The following SPG11 variants were observed in gnomAD, a reference collection of about 807,000 sequenced individuals.
The protein encoded by SPG11 is SPG11 vesicle trafficking associated, spatacsin, also known as spatacsin.
Under a neutral mutation model 274.0 loss-of-function variants are expected in SPG11, and 222 were observed. The observed-to-expected ratio is 0.81, with a 90% CI of 0.73 to 0.91. The LOEUF (loss-of-function observed/expected upper bound fraction) is 0.91. Ranked by LOEUF, SPG11 falls within the 40% of genes least tolerant of loss-of-function variation. The probability of loss-of-function intolerance (pLI) is 0.00; values close to 1 mark genes in which losing one functional copy is unlikely to be tolerated. For synonymous variants in SPG11, 1,144 were observed against 1,039.7 expected (o/e 1.10, Z -1.93); for missense variants, 3,114 against 2,872.7 (o/e 1.08, Z -1.92).
At chr15:44,566,112 A>G in intron 37 of SPG11, 103 bp from the exon 38 acceptor site, 4 of 1,589,834 alleles carry the variant, frequency 2.5e-6, no homozygotes, top group Admixed American at 3.4e-5. Context: ...TGGTTGGCCT[A>G]TGATGCCCTC....
At chr15:44,576,566 G>A (rs1001111422) in intron 30 of SPG11, among the ~76,000 whole-genome samples, 5 of 150,276 alleles carry the variant, frequency 3.3e-5, no homozygotes, top group Non-Finnish European at 7.4e-5. Context: ...GGAGAATGGC[G>A]TGAACCCGGG....
rs1186964654 is a variant in SPG11 at position 44,660,527 on chromosome 15, T to C, written c.347A>G (p.Tyr116Cys). The C allele has an allele frequency of 1.9e-6, 3 of 1,614,174 alleles. No individual in the cohort carries two copies. The highest frequency in any genetic ancestry group is 2.2e-5 in the East Asian group (1 of 44,882). The change falls in exon 2 of 40, where the codon TAT becomes TGT. Residue 116 changes from tyrosine (Y) to cysteine (C), a missense_variant. By Grantham distance (194) the Tyr-to-Cys change is radical. Transcript: ENST00000261866. ...ALGENYELLI[Y>C]EFNLKDGRCD... ...TCTTCCATCTTTCAAATTAAATTCA[T>C]AGATAAGCAGTTCATAATTTTCACC...
intron 7 of SPG11, among the ~76,000 whole-genome samples, chr15:44,641,088 C>T (rs948970946): frequency 1.3e-5 from 2 of 152,070 alleles, no homozygotes; most frequent in African/African-American, 4.8e-5. Flanking sequence ...ATTAAAATAG[C>T]CCATATCATG....
At chr15:44,564,463 G>T in intron 39 of SPG11, 84 bp downstream of exon 39, 1 of 1,370,894 alleles carries the variant, frequency 7.3e-7, no homozygotes, top group Non-Finnish European at 1.0e-6. Context: ...AAGGCATGGT[G>T]TACTTAGCCA....
intron 3 of SPG11, among the ~76,000 whole-genome samples, chr15:44,658,449 T>C (rs2085002487): frequency 6.6e-6 from 1 of 151,486 alleles, no homozygotes; most frequent in South Asian, 2.1e-4. Context: ...AAGACATGTA[T>C]CACAACATAA....
chr15:44,565,707 G>T, intron 38 of SPG11, 147 bp downstream of exon 38: 1 of 1,006,924 alleles, frequency 9.9e-7, no homozygotes, highest in Non-Finnish European at 1.5e-6. Context: ...TCAAATTGCC[G>T]TTCTATGTTG....
intron 26 of SPG11, among the ~76,000 whole-genome samples, chr15:44,592,916 G>C (rs546717246): frequency 6.6e-6 from 1 of 151,852 alleles, no homozygotes; most frequent in East Asian, 1.9e-4. Context: ...TTGAGACCTA[G>C]AGGTTGTAGC....
At chr15:44,655,363 G>A (rs1201847493) in intron 4 of SPG11, among the ~76,000 whole-genome samples, 2 of 152,056 alleles carry the variant, frequency 1.3e-5, no homozygotes, top group Admixed American at 1.3e-4. Flanking sequence ...AACACCATGG[G>A]ACCCATATGA....
rs373234269 is a variant in SPG11 at position 44,660,621 on chromosome 15, GA to G, written c.258-6del. On this transcript the variant is annotated splice_region_variant and splice_polypyrimidine_tract_variant and intron_variant, in intron 1 of 39. Coordinates refer to ENST00000261866, the MANE Select transcript of SPG11 (RefSeq NM_025137.4). ...CGAGAATCCTCCCATAGAAAGCTAA[GA>G]AAAAAAGTTTAGATTTATTATATTC... 1.1e-3 allele frequency: 1,845 copies of G among 1,613,764 alleles called. 26 individuals are homozygous for G. The African/African-American group carries it at 0.022, about 19-fold the overall frequency.
In SPG11 at chr15:44,563,310, A is replaced by G; in HGVS notation, c.7152-9T>C. 3 of 1,610,250 alleles carry G rather than the reference A, an allele frequency of 1.9e-6. No individual in the cohort carries two copies. Among genetic ancestry groups the G allele is most frequent in the Non-Finnish European group, 2.5e-6 (3 of 1,176,896 alleles). ...GCTGATGTTGTTTATATCTAGATAA[A>G]GAAACATAATGTACAGGTTAAGATA... On this transcript the variant is annotated splice_polypyrimidine_tract_variant and intron_variant, in intron 39 of 39. Coordinates refer to ENST00000261866, the MANE Select transcript of SPG11 (RefSeq NM_025137.4).
At chr15:44,569,364 C>A (rs772337618) in intron 35 of SPG11, 34 bp downstream of exon 35, 87 of 1,424,002 alleles carry the variant, frequency 6.1e-5, no homozygotes, top group Non-Finnish European at 8.2e-5. Context: ...ATCAGCAGTA[C>A]ACCCCATCCT....
intron 3 of SPG11, 32 bp from the exon 4 acceptor site, chr15:44,657,328 T>C (rs991128184): frequency 6.3e-7 from 1 of 1,594,372 alleles, no homozygotes; most frequent in African/African-American, 1.3e-5. Flanking sequence ...AAATGCCAGT[T>C]TTGTAAGTAT....
chr15:44,608,713 T>C (rs2141000213), intron 18 of SPG11, 108 bp from the exon 19 acceptor site: 1 of 1,047,408 alleles, frequency 9.5e-7, no homozygotes, highest in South Asian at 1.5e-5. Flanking sequence ...GAAGAGTATG[T>C]GGTAGTGAAT....
In SPG11 at chr15:44,633,535, C is replaced by T; in HGVS notation, c.1705G>A (p.Asp569Asn). The change falls in exon 8 of 40, where the codon GAT becomes AAT. Residue 569 changes from aspartate to asparagine, a missense_variant. Coordinates refer to ENST00000261866, the MANE Select transcript of SPG11 (RefSeq NM_025137.4). ...SSKSSVSDQF[D>N]HLSSHLYLRN... Reference sequence around the variant, plus strand: ...AAATATAAATGGGATGACAAGTGATCAAACTGATCAGATACAGAAGATTTT... The same window carrying T: ...AAATATAAATGGGATGACAAGTGATTAAACTGATCAGATACAGAAGATTTT... The T allele has an allele frequency of 1.9e-6, 3 of 1,607,548 alleles. No individual in the cohort carries two copies. The highest frequency in any genetic ancestry group is 2.6e-6 in the Non-Finnish European group (3 of 1,175,206).
intron 6 of SPG11, among the ~76,000 whole-genome samples, chr15:44,650,281 G>A (rs1164787435): frequency 6.6e-6 from 1 of 152,146 alleles, no homozygotes; most frequent in East Asian, 1.9e-4. Context: ...CACTTTGGGA[G>A]GCCAAGCCGG....
Position 44,563,152 on chromosome 15 carries a change from C to CCTGT in SPG11, c.7297_7300dup (p.Gly2434AspfsTer57), listed in dbSNP as rs866501552. 1 of 1,614,150 alleles carries CCTGT rather than the reference C, an allele frequency of 6.2e-7. No individual in the cohort carries two copies. Among genetic ancestry groups the CCTGT allele is most frequent in the Non-Finnish European group, 8.5e-7 (1 of 1,180,020 alleles). ...TGCTAGCATGTCCTTTAGACAGCAA[C>CCTGT]CTGTCTGAGGGTCCTTCAGAAGCAC... On this transcript the variant is annotated frameshift_variant, in exon 40 of 40. Transcript: ENST00000261866. LOFTEE classifies it high-confidence loss of function.
At chr15:44,615,254 T>C in intron 16 of SPG11, 109 bp downstream of exon 16, 1 of 1,050,126 alleles carries the variant, frequency 9.5e-7, no homozygotes, top group East Asian at 2.4e-5. Context: ...AAAAGATCAG[T>C]ATTCCTCGTG....
Position 44,574,896 on chromosome 15 carries a change from ACATAC to A in SPG11, c.6006+1_6006+5del. On this transcript the variant is annotated splice_donor_variant and splice_donor_5th_base_variant and intron_variant, in intron 31 of 39. Transcript: ENST00000261866. LOFTEE classifies it high-confidence loss of function. ...AGAAAGAGGAGCCCCACCCCTTGGC[ACATAC>A]CTTGGCAAGATCATACAGACAGAGG... 6.2e-7 allele frequency: 1 copy of A among 1,613,792 alleles called. No individual in the cohort carries two copies. Among genetic ancestry groups the A allele is most frequent in the African/African-American group, 1.3e-5 (1 of 75,032 alleles).
chr15:44,619,974 C>A (rs1400712422), intron 15 of SPG11, among the ~76,000 whole-genome samples: 1 of 152,056 alleles, frequency 6.6e-6, no homozygotes, highest in Non-Finnish European at 1.5e-5. Flanking sequence ...CCTTGGCCTC[C>A]CAAAGTGCTG....
Sources: gnomAD v4.1 joint callset for allele counts (sites outside exome capture counted in the v4.1 genomes callset) on GRCh38, gnomAD v4.1.1 for gene constraint, MANE v1.5 for transcripts, NCBI Gene and HGNC (gene_info 2026-07-23, HGNC 2026-07-21) for gene names.